CDH7: variants seen among roughly 807,000 people sequenced by gnomAD.
The protein encoded by CDH7 is cadherin-7.
In CDH7, 25 loss-of-function variants were observed where a neutral mutation model predicts 71.8. The ratio of observed to expected loss-of-function variants is 0.35; its 90% CI spans 0.25 to 0.49. The LOEUF (loss-of-function observed/expected upper bound fraction) is 0.49. Ranked by LOEUF, CDH7 falls within the 20% of genes least tolerant of loss-of-function variation. The probability of loss-of-function intolerance (pLI) is 0.99; values close to 1 mark genes in which losing one functional copy is unlikely to be tolerated. For synonymous variants in CDH7, 381 were observed against 363.8 expected, an observed-to-expected ratio of 1.05 and a Z score of -0.54; for missense variants, 862 against 974.6, an observed-to-expected ratio of 0.88 and a Z score of 1.54.
chr18:65,833,320 T>C (rs1599037849), intron 6 of CDH7, among the ~76,000 whole-genome samples: 3 of 152,208 alleles, frequency 2.0e-5, no homozygotes, highest in Non-Finnish European at 4.4e-5. Flanking sequence ...CAATCAAATA[T>C]GTATTTCATT....
intron 2 of CDH7, among the ~76,000 whole-genome samples, chr18:65,773,865 T>A (rs965816641): frequency 7.2e-5 from 11 of 152,072 alleles, no homozygotes; most frequent in African/African-American, 2.4e-4. Context: ...GGATGACACT[T>A]ATTTCTAGGA....
intron 10 of CDH7, among the ~76,000 whole-genome samples, chr18:65,860,342 G>A (rs1235325164): frequency 6.6e-6 from 1 of 152,050 alleles, no homozygotes; most frequent in Admixed American, 6.6e-5. Context: ...GAAATATAAT[G>A]TTAAAAATAA....
chr18:65,807,164 T>G (rs1485706356), intron 2 of CDH7, among the ~76,000 whole-genome samples: 2 of 152,012 alleles, frequency 1.3e-5, no homozygotes, highest in African/African-American at 2.4e-5. Context: ...AATTTGATTG[T>G]TGAATGATTG....
At chr18:65,758,132 A>G (rs2143776610) in intron 1 of CDH7, among the ~76,000 whole-genome samples, 1 of 152,358 alleles carries the variant, frequency 6.6e-6, no homozygotes, top group East Asian at 1.9e-4. Context: ...GTAAGAAGAT[A>G]AAAAGCCTTA....
chr18:65,753,698 T>G (rs1187341125), intron 1 of CDH7, among the ~76,000 whole-genome samples: 1 of 152,100 alleles, frequency 6.6e-6, no homozygotes, highest in East Asian at 1.9e-4. Context: ...CTCCCCAGCG[T>G]CTGACAAGCA....
At position 65,880,381 on chromosome 18, in the gene CDH7, T is replaced by C. The variant is rs377511826; in HGVS notation, c.1865-20T>C. On this transcript the variant is annotated intron_variant, in intron 11 of 11. Coordinates refer to ENST00000397968, the MANE Select transcript of CDH7 (RefSeq NM_004361.5). ...TGGGTGAGTTTACTGAAACTTTCTCTTCCTGTCTTATTGTTTCAGTGTTGA... is the reference window on the plus strand; with the variant it reads ...TGGGTGAGTTTACTGAAACTTTCTCCTCCTGTCTTATTGTTTCAGTGTTGA... 63 of 1,520,206 alleles carry C rather than the reference T, an allele frequency of 4.1e-5. No individual in the cohort carries two copies. In the East Asian group the frequency reaches 1.2e-3, roughly 30 times the overall value. 94.2% of individuals were successfully genotyped at this position (1,520,206 alleles called of 1,614,324 possible).
In CDH7 at chr18:65,829,844, A is replaced by G. The variant is rs1476248155; in HGVS notation, c.981+5013A>G. Among the ~76,000 whole-genome samples the G allele has an allele frequency of 2.7e-5, 4 of 150,142 alleles. No homozygotes were observed. The East Asian group carries it at 7.8e-4, about 29-fold the overall frequency. ...TTCAATCATGGGAACTGGTCTAATC[A>G]TGGAATGTAGATGTCCCAGTTCCAT... On this transcript the variant is annotated intron_variant, in intron 6 of 11. Transcript: ENST00000397968.
intron 11 of CDH7, chr18:65,865,934 A>G (rs2144045070): frequency 6.6e-6 from 1 of 152,266 alleles, no homozygotes; most frequent in African/African-American, 2.4e-5. Context: ...TTCTGAACAA[A>G]TATTACTGGC....
At chr18:65,858,366 A>T (rs976999957) in intron 8 of CDH7, among the ~76,000 whole-genome samples, 6 of 152,036 alleles carry the variant, frequency 3.9e-5, no homozygotes, top group Non-Finnish European at 8.8e-5. Flanking sequence ...AATAAAATAA[A>T]ATAAAAACTA....
rs77946221 is a variant in CDH7, at chr18:65,784,824, C to T, written c.210+21772C>T. Among the ~76,000 whole-genome samples, 1,485 of 152,228 alleles carry T rather than the reference C, an allele frequency of 9.8e-3. 13 individuals carry two copies. Among genetic ancestry groups the T allele is most frequent in the African/African-American group, 0.03 (1,244 of 41,536 alleles). On this transcript the variant is annotated intron_variant, in intron 2 of 11. Transcript: ENST00000397968. The stretch of plus-strand genomic sequence containing the variant: ...CTAACAAATATGTCGAGAAGTTCTG[C>T]GTAGCATGTTTTCATTCCCTCCTAT...
chr18:65,802,574 A>C (rs775039841), intron 2 of CDH7, among the ~76,000 whole-genome samples: 1 of 152,168 alleles, frequency 6.6e-6, no homozygotes, highest in Admixed American at 6.6e-5. Flanking sequence ...GTTGCTTTTA[A>C]GTGCTTCTGG....
At chr18:65,773,456 A>T (rs1916605030) in intron 2 of CDH7, among the ~76,000 whole-genome samples, 1 of 152,112 alleles carries the variant, frequency 6.6e-6, no homozygotes, top group African/African-American at 2.4e-5. Context: ...ATCCCTGATG[A>T]GTGATCAGGT....
chr18:65,871,171 C>T (rs1017785784), intron 11 of CDH7, among the ~76,000 whole-genome samples: 2 of 152,054 alleles, frequency 1.3e-5, no homozygotes, highest in Non-Finnish European at 2.9e-5. Flanking sequence ...TTTAGCAACA[C>T]CCAAAAAGTT....
chr18:65,868,568 G>A (rs1305049679), intron 11 of CDH7, among the ~76,000 whole-genome samples: 1 of 152,192 alleles, frequency 6.6e-6, no homozygotes, highest in Non-Finnish European at 1.5e-5. Context: ...ATTAGGTGCA[G>A]GAGTATCTTT....
At chr18:65,842,374 A>G (rs1912764099) in intron 6 of CDH7, among the ~76,000 whole-genome samples, 1 of 150,762 alleles carries the variant, frequency 6.6e-6, no homozygotes, top group Admixed American at 6.6e-5. Flanking sequence ...CCTATTTTGT[A>G]TATTGATTTA....
intron 6 of CDH7, among the ~76,000 whole-genome samples, chr18:65,842,946 A>G (rs1912790699): frequency 6.6e-6 from 1 of 152,054 alleles, no homozygotes; most frequent in African/African-American, 2.4e-5. Flanking sequence ...ACTGAAATTG[A>G]AAGTCATAAA....
chr18:65,759,338 G>A (rs550789309), intron 1 of CDH7, among the ~76,000 whole-genome samples: 2 of 150,626 alleles, frequency 1.3e-5, no homozygotes, highest in East Asian at 3.9e-4. Flanking sequence ...TCCACCTCCC[G>A]AGTTTAAGCG....
Position 65,861,440 on chromosome 18 carries a change from A to G in CDH7, c.1613-1226A>G, listed in dbSNP as rs147406765. Among the ~76,000 whole-genome samples the G allele has an allele frequency of 1.4e-4, 17 of 122,010 alleles. No homozygotes were observed. The East Asian group carries it at 2.4e-3, about 17-fold the overall frequency. The allele number at this position is 122,010 out of a possible 152,430, so 80.0% of individuals were successfully genotyped here. ...GTATCAAGTCATAAATGCCTCTGAC[A>G]TCGGAGTTGGTAGGAGGCAGAGGCA... On this transcript the variant is annotated intron_variant, in intron 10 of 11. Transcript: ENST00000397968.
intron 11 of CDH7, among the ~76,000 whole-genome samples, chr18:65,864,889 T>TAAAAAAAAAAAAAAAAAAAAAAA (rs1191269381): frequency 1.2e-5 from 1 of 85,960 alleles, no homozygotes; most frequent in African/African-American, 4.6e-5. Context: ...AGACTCCATC[T>TAAAAAAAAAAAAAAAAAAAAAAA]AAAAAAAAAA....
Sources: allele counts gnomAD v4.1 joint callset (sites outside exome capture counted in the v4.1 genomes callset), GRCh38; gene constraint gnomAD v4.1.1; transcripts MANE v1.5; gene names NCBI Gene and HGNC (gene_info 2026-07-23, HGNC 2026-07-21).